The following OGA variants were observed in gnomAD, a reference collection of about 807,000 sequenced individuals.
OGA encodes the protein protein O-GlcNAcase.
OGA carries 21 observed loss-of-function variants against 102.0 expected under a neutral mutation model. The observed-to-expected ratio is 0.21, with a 90% CI of 0.15 to 0.30. The LOEUF (loss-of-function observed/expected upper bound fraction) is 0.30, where lower values mean the gene tolerates loss of function less well. Ranked by LOEUF, OGA falls within the 10% of genes least tolerant of loss-of-function variation. The probability of loss-of-function intolerance (pLI) is 1.00; values close to 1 mark genes in which losing one functional copy is unlikely to be tolerated. For synonymous variants in OGA, 408 were observed against 378.2 expected (o/e 1.08, Z -0.91); for missense variants, 765 against 1,107.8 (o/e 0.69, Z 4.39).
At chr10:101,801,256 G>C (rs1038020276) in intron 7 of OGA, among the ~76,000 whole-genome samples, 3 of 152,064 alleles carry the variant, frequency 2.0e-5, no homozygotes, top group Admixed American at 6.6e-5. Flanking sequence ...GCCAGACGTG[G>C]TGGCAGGCAC....
Position 101,807,894 on chromosome 10 carries a change from T to G in OGA, c.488A>C (p.Gln163Pro). 1 of 1,486,104 alleles carries G rather than the reference T, an allele frequency of 6.7e-7. No homozygotes were observed. Among genetic ancestry groups the G allele is most frequent in the East Asian group, 2.5e-5 (1 of 40,346 alleles). 92.1% of individuals were successfully genotyped at this position (1,486,104 alleles called of 1,614,324 possible). ...CAAAGCAAATGATCTGCACCCAAAC[T>G]GAGAAACCTAGGAGAAAAAAAAAAA... Reference protein sequence around the residue: ...TLKRKLDQVSQFGCRSFALLF... With the variant: ...TLKRKLDQVSPFGCRSFALLF... Residue 163 changes from glutamine to proline, a missense_variant, in exon 5 of 16, where the codon CAG becomes CCG. Transcript: ENST00000361464.
At chr10:101,796,009 A>G in intron 10 of OGA, 1 of 525,410 alleles carries the variant, frequency 1.9e-6, no homozygotes, top group Non-Finnish European at 2.4e-6. Context: ...TATCATTAAG[A>G]ATTTAACTTT....
chr10:101,804,591 TAAC>T (rs2065442139), intron 6 of OGA, among the ~76,000 whole-genome samples: 1 of 152,068 alleles, frequency 6.6e-6, no homozygotes, highest in Non-Finnish European at 1.5e-5. Context: ...GTACATTTTA[TAAC>T]AACGTTTCTT....
intron 7 of OGA, among the ~76,000 whole-genome samples, chr10:101,802,809 A>C (rs1200429936): frequency 6.6e-6 from 1 of 151,398 alleles, no homozygotes; most frequent in Non-Finnish European, 1.5e-5. Flanking sequence ...ATTTTTCATA[A>C]ATTAAAAATT....
intron 3 of OGA, among the ~76,000 whole-genome samples, chr10:101,811,407 A>G (rs535827841): frequency 3.1e-4 from 10 of 32,640 alleles, no homozygotes; most frequent in African/African-American, 9.9e-4. Flanking sequence ...AAAAAAAATG[A>G]AAAAAAAAAA....
intron 7 of OGA, among the ~76,000 whole-genome samples, chr10:101,801,105 A>G (rs1185981850): frequency 6.6e-6 from 1 of 151,900 alleles, no homozygotes; most frequent in African/African-American, 2.4e-5. Context: ...AGGGAAAAAG[A>G]AGAGGCCAGG....
At chr10:101,800,194 A>G (rs748626999) in intron 8 of OGA, 48 bp downstream of exon 8, 1 of 1,569,912 alleles carries the variant, frequency 6.4e-7, no homozygotes, top group Non-Finnish European at 8.7e-7. Flanking sequence ...TTACTTTGTG[A>G]CTCAACTATG....
At chr10:101,810,156 GA>G in intron 4 of OGA, 27 bp downstream of exon 4, 5 of 1,581,038 alleles carry the variant, frequency 3.2e-6, no homozygotes, top group South Asian at 1.2e-5. Flanking sequence ...ACATAGTCAG[GA>G]AAAATGAATA....
At chr10:101,817,625 C>A (rs184505355) in intron 1 of OGA, among the ~76,000 whole-genome samples, 199 bp downstream of exon 1, 140 of 152,190 alleles carry the variant, frequency 9.2e-4, no homozygotes, top group South Asian at 8.1e-3. Flanking sequence ...TTGTGAGTGG[C>A]CAGGGGGGAA....
At chr10:101,817,615 T>G (rs1317971662) in intron 1 of OGA, among the ~76,000 whole-genome samples, 1 of 152,076 alleles carries the variant, frequency 6.6e-6, no homozygotes, top group Non-Finnish European at 1.5e-5. Context: ...GGGGTCAGAC[T>G]TGTGAGTGGC....
chr10:101,817,287 G>A (rs1306035565), intron 1 of OGA, among the ~76,000 whole-genome samples: 2 of 152,154 alleles, frequency 1.3e-5, no homozygotes, highest in African/African-American at 4.8e-5. Context: ...CTGGGAAAGA[G>A]GGCAATTTTC....
chr10:101,805,801 A>G (rs2065463197), intron 6 of OGA, among the ~76,000 whole-genome samples: 1 of 149,422 alleles, frequency 6.7e-6, no homozygotes, highest in Admixed American at 6.7e-5. Context: ...TAAAAATACA[A>G]AAAATTAGCC....
intron 4 of OGA, among the ~76,000 whole-genome samples, chr10:101,809,545 G>A (rs952722800): frequency 5.9e-5 from 9 of 151,438 alleles, no homozygotes; most frequent in African/African-American, 1.9e-4. Context: ...GCAAAACCCT[G>A]TCTCTACTAA....
chr10:101,807,929 A>G, intron 4 of OGA, 28 bp from the exon 5 acceptor site: 2 of 1,465,706 alleles, frequency 1.4e-6, no homozygotes, highest in Non-Finnish European at 9.1e-7. Context: ...AAAAGAATCA[A>G]GAGTAAAAAA....
chr10:101,810,799 G>C (rs1319756533), intron 3 of OGA, among the ~76,000 whole-genome samples: 1 of 152,128 alleles, frequency 6.6e-6, no homozygotes, highest in Non-Finnish European at 1.5e-5. Flanking sequence ...GCAGTGGCAC[G>C]ATCCTGACTC....
chr10:101,799,554 T>C lies in OGA; in HGVS notation c.1196-99A>G, dbSNP rs2065362456. 9.4e-6 allele frequency: 12 copies of C among 1,273,696 alleles called. No individual in the cohort carries two copies. In the South Asian group the frequency reaches 1.7e-4, roughly 18 times the overall value. The allele number at this position is 1,273,696 out of a possible 1,614,324, so 78.9% of individuals were successfully genotyped here. ...TCAGAAAGATGCTTTATCATATTTG[T>C]TAAGTGGAACCTCAATTTTAGATCC... is the stretch of plus-strand genomic sequence containing the variant. On this transcript the variant is annotated intron_variant, in intron 8 of 15. Transcript: ENST00000361464.
intron 6 of OGA, among the ~76,000 whole-genome samples, chr10:101,805,678 A>T (rs2065460599): frequency 6.8e-6 from 1 of 147,058 alleles, no homozygotes; most frequent in African/African-American, 2.5e-5. Context: ...AAAAAAGGCC[A>T]GGCGTGGTGG....
chr10:101,791,833 ATTT>A (rs748999493), intron 12 of OGA, among the ~76,000 whole-genome samples: 2 of 141,354 alleles, frequency 1.4e-5, no homozygotes, highest in Non-Finnish European at 3.1e-5. Context: ...TACTCATCTA[ATTT>A]TTTTTTTTTT....
At chr10:101,789,262 G>A (rs1352799018) in intron 14 of OGA, among the ~76,000 whole-genome samples, 1 of 152,214 alleles carries the variant, frequency 6.6e-6, no homozygotes. Flanking sequence ...ACTTTGGGAG[G>A]CTGAGGAGGG....
Sources: gnomAD v4.1 joint callset for allele counts (sites outside exome capture counted in the v4.1 genomes callset) on GRCh38, gnomAD v4.1.1 for gene constraint, MANE v1.5 for transcripts, NCBI Gene and HGNC (gene_info 2026-07-23, HGNC 2026-07-21) for gene names.